The following TSKS variants were observed in gnomAD, a reference collection of about 807,000 sequenced individuals.
The protein encoded by TSKS is testis specific serine kinase substrate.
A neutral mutation model predicts 68.0 loss-of-function variants in TSKS; 27 were observed. The observed-to-expected ratio is 0.40, with a 90% CI of 0.29 to 0.55. The LOEUF (loss-of-function observed/expected upper bound fraction) is 0.55, where lower values mean the gene tolerates loss of function less well. Among genes scored for constraint, TSKS ranks in the 20% least tolerant of loss-of-function variants. The pLI is 0.53. For missense variants in TSKS, 806 were observed against 776.0 expected (o/e 1.04, Z -0.46); for synonymous variants, 331 against 340.4 (o/e 0.97, Z 0.30).
At chr19:49,762,375 C>A in intron 1 of TSKS, 143 bp from the exon 2 acceptor site, 1 of 602,396 alleles carries the variant, frequency 1.7e-6, no homozygotes, top group South Asian at 2.1e-5. Context: ...CCGCTGCCTA[C>A]TTTATTCTCC....
At chr19:49,746,081 G>T (rs1444052094) in intron 6 of TSKS, among the ~76,000 whole-genome samples, 1 of 152,186 alleles carries the variant, frequency 6.6e-6, no homozygotes, top group African/African-American at 2.4e-5. Context: ...TATTGGGGAG[G>T]CTGAAGCAGG....
chr19:49,744,166 C>T (rs2084276171), intron 8 of TSKS, 65 bp downstream of exon 8: 1 of 1,538,988 alleles, frequency 6.5e-7, no homozygotes, highest in African/African-American at 1.4e-5. Flanking sequence ...AATGTCCCAT[C>T]TCCTTCCGCA....
intron 8 of TSKS, 28 bp downstream of exon 8, chr19:49,744,203 C>T (rs928458918): frequency 1.2e-6 from 2 of 1,602,362 alleles, no homozygotes; most frequent in African/African-American, 2.7e-5. Flanking sequence ...ATCCACAAGG[C>T]TCCCAGAGGC....
rs1414176419 is a variant in TSKS, at chr19:49,748,279, A to C, written c.495+95T>G. 4.5e-6 allele frequency: 7 copies of C among 1,556,226 alleles called. No individual in the cohort carries two copies. In the African/African-American group the frequency reaches 5.4e-5, roughly 12 times the overall value. ...TTCTTTCTGAGCCTCAAGCTCCCCA[A>C]CTGAGCTATGGGTGCATTCTGCTGG... On this transcript the variant is annotated intron_variant, in intron 3 of 10. Transcript: ENST00000246801.
At chr19:49,762,318 C>T (rs1039465327) in intron 1 of TSKS, 86 bp from the exon 2 acceptor site, 19 of 938,598 alleles carry the variant, frequency 2.0e-5, no homozygotes, top group Admixed American at 4.3e-5. Context: ...TACCTCACCC[C>T]CTGTGACTCC....
At chr19:49,747,803 G>C (rs550121813) in intron 4 of TSKS, among the ~76,000 whole-genome samples, 3 of 152,266 alleles carry the variant, frequency 2.0e-5, no homozygotes, top group African/African-American at 7.2e-5. Context: ...CCACCTCGTG[G>C]ATTCAAGCAA....
intron 2 of TSKS, among the ~76,000 whole-genome samples, chr19:49,754,804 T>G (rs2084380421): frequency 6.6e-6 from 1 of 151,672 alleles, no homozygotes; most frequent in Non-Finnish European, 1.5e-5. Flanking sequence ...CAAATAGAAA[T>G]TATAGGGTTG....
chr19:49,751,891 C>T (rs1195174345), intron 2 of TSKS, among the ~76,000 whole-genome samples: 1 of 107,318 alleles, frequency 9.3e-6, no homozygotes, highest in Admixed American at 1.1e-4. Flanking sequence ...GGTGAGACCC[C>T]AACTCTACAA....
intron 2 of TSKS, among the ~76,000 whole-genome samples, chr19:49,749,322 G>T (rs1212756459): frequency 6.6e-6 from 1 of 152,174 alleles, no homozygotes; most frequent in Admixed American, 6.5e-5. Context: ...CACATTAGGT[G>T]ATCTCATCAG....
At position 49,746,562 on chromosome 19, in the gene TSKS, G is replaced by T; in HGVS notation, c.900C>A (p.Pro300=). 1.2e-6 allele frequency: 2 copies of T among 1,613,308 alleles called. No individual in the cohort carries two copies. The highest frequency in any genetic ancestry group is 1.7e-6 in the Non-Finnish European group (2 of 1,179,816). ...CCCGAGGCCCCATTCCCCAGCCTGC[G>T]GGGACCAGGCCGTGTGGCCGCGAGG... ...DKPSRPHGLV[P]AGWGMGPRAG... is the part of the protein sequence containing the mutation. The change falls in exon 6 of 11, where the codon CCC becomes CCA. Residue 300 remains proline (P), a synonymous_variant. Coordinates refer to ENST00000246801, the MANE Select transcript of TSKS (RefSeq NM_021733.2).
At chr19:49,754,692 G>C (rs2084379643) in intron 2 of TSKS, among the ~76,000 whole-genome samples, 2 of 152,196 alleles carry the variant, frequency 1.3e-5, no homozygotes, top group Middle Eastern at 6.8e-3. Context: ...TATGTTCGAA[G>C]TGCTAAAGGA....
intron 4 of TSKS, 121 bp downstream of exon 4, chr19:49,747,964 C>G (rs2084316648): frequency 1.1e-6 from 1 of 938,228 alleles, no homozygotes; most frequent in South Asian, 1.4e-5. Flanking sequence ...CTGCCTCGGC[C>G]TCCCAAAGTG....
intron 2 of TSKS, among the ~76,000 whole-genome samples, chr19:49,759,143 C>T (rs1403274472): frequency 6.6e-6 from 1 of 151,802 alleles, no homozygotes; most frequent in East Asian, 1.9e-4. Flanking sequence ...AGGCATGAGC[C>T]ACGAAGCCCG....
intron 2 of TSKS, among the ~76,000 whole-genome samples, chr19:49,748,869 C>T (rs1158306658): frequency 6.6e-6 from 1 of 152,000 alleles, no homozygotes; most frequent in Non-Finnish European, 1.5e-5. Flanking sequence ...GAGTTCAAGA[C>T]CAACTTGGCC....
At position 49,746,751 on chromosome 19, in the gene TSKS, T is replaced by TCGCGGCGTCTCATCCTGCAG; in HGVS notation, c.691_710dup (p.Arg238CysfsTer85). 6.2e-7 allele frequency: 1 copy of TCGCGGCGTCTCATCCTGCAG among 1,601,206 alleles called. No individual in the cohort carries two copies. Among genetic ancestry groups the TCGCGGCGTCTCATCCTGCAG allele is most frequent in the Non-Finnish European group, 8.5e-7 (1 of 1,179,544 alleles). On this transcript the variant is annotated frameshift_variant, in exon 6 of 11. Coordinates refer to ENST00000246801, the MANE Select transcript of TSKS (RefSeq NM_021733.2). LOFTEE classifies it high-confidence loss of function. ...GCTCCTGCAGCTCGGCCTCCTGCCG[T>TCGCGGCGTCTCATCCTGCAG]CGCGGCGTCTCATCCTGCAGCTGCT...
Position 49,746,765 on chromosome 19 carries a change from C to G in TSKS, c.697G>C (p.Asp233His). 3 of 1,601,074 alleles carry G rather than the reference C, an allele frequency of 1.9e-6. No individual in the cohort carries two copies. The highest frequency in any genetic ancestry group is 2.5e-6 in the Non-Finnish European group (3 of 1,179,770). Residue 233 changes from aspartate to histidine, a missense_variant, in exon 6 of 11, where the codon GAT becomes CAT. Transcript: ENST00000246801. ...KLRYLQQQLQ[D>H]ETPRRQEAEL... ...GCCTCCTGCCGTCGCGGCGTCTCAT[C>G]CTGCAGCTGCTGCTGGAGGTAGCGC...
chr19:49,749,422 C>G (rs1049858388), intron 2 of TSKS, among the ~76,000 whole-genome samples: 7 of 152,172 alleles, frequency 4.6e-5, no homozygotes, highest in Admixed American at 2.0e-4. Context: ...TTGTGCGACT[C>G]CTGCCAATCC....
At chr19:49,745,468 G>T (rs1449420256) in intron 6 of TSKS, 72 bp from the exon 7 acceptor site, 6 of 1,316,112 alleles carry the variant, frequency 4.6e-6, no homozygotes, top group African/African-American at 3.0e-5. Context: ...CACGAGATAG[G>T]TGGGACAGGA....
At chr19:49,745,142 C>T in intron 7 of TSKS, 60 bp downstream of exon 7, 1 of 1,470,342 alleles carries the variant, frequency 6.8e-7, no homozygotes, top group Admixed American at 2.1e-5. Context: ...AAGACCCCGC[C>T]CTCAGGTTGG....
Sources: gnomAD v4.1 joint callset for allele counts (sites outside exome capture counted in the v4.1 genomes callset) on GRCh38, gnomAD v4.1.1 for gene constraint, MANE v1.5 for transcripts, NCBI Gene and HGNC (gene_info 2026-07-23, HGNC 2026-07-21) for gene names.